Variants in SCN10A observed in about 807,000 individuals in gnomAD.
The protein encoded by SCN10A is sodium voltage-gated channel alpha subunit 10.
SCN10A carries 162 observed loss-of-function variants against 170.7 expected under a neutral mutation model. The ratio of observed to expected loss-of-function variants is 0.95; its 90% CI spans 0.84 to 1.08. The LOEUF (loss-of-function observed/expected upper bound fraction) is 1.08, where lower values mean the gene tolerates loss of function less well. SCN10A is among the 50% of genes least tolerant of loss of function. The pLI is 0.00. For synonymous variants in SCN10A, 985 were observed against 904.6 expected (o/e 1.09, Z -1.59); for missense variants, 2,527 against 2,436.9 (o/e 1.04, Z -0.78).
At chr3:38,703,393 C>T (rs569449017) in intron 26 of SCN10A, among the ~76,000 whole-genome samples, 6 of 152,330 alleles carry the variant, frequency 3.9e-5, no homozygotes, top group Admixed American at 1.3e-4. Context: ...TTACATCTCC[C>T]TCCAGCTACC....
Position 38,697,263 on chromosome 3 carries a change from G to A in SCN10A, c.*86C>T, listed in dbSNP as rs972983803. The stretch of plus-strand genomic sequence containing the variant: ...AGTGGCATGCATTGGTGAGGCTGTA[G>A]CTGGGTGTGATCTGCAATGGGAAAG... On this transcript the variant is annotated 3_prime_UTR_variant, in exon 28 of 28. Transcript: ENST00000449082. The A allele has an allele frequency of 2.3e-5, 35 of 1,550,606 alleles. No individual in the cohort carries two copies. Among genetic ancestry groups the A allele is most frequent in the Non-Finnish European group, 3.0e-5 (35 of 1,149,018 alleles).
In SCN10A at chr3:38,760,719, A is replaced by G; in HGVS notation, c.912T>C (p.Thr304=). The G allele has an allele frequency of 1.2e-6, 2 of 1,614,084 alleles. No homozygotes were observed. The highest frequency in any genetic ancestry group is 1.7e-6 in the Non-Finnish European group (2 of 1,179,902). Residue 304 remains threonine (T), a synonymous_variant, in exon 8 of 28, where the codon ACT becomes ACC. Transcript: ENST00000449082. ...CATTGCCACACAGTAAGGGGTCAGA[A>G]GTGCCTCGCTTATTTATGTAGATAT... ...KPDIYINKRG[T]SDPLLCGNGS...
At chr3:38,771,231 T>G in intron 5 of SCN10A, 48 bp downstream of exon 5, 1 of 1,601,314 alleles carries the variant, frequency 6.2e-7, no homozygotes, top group Non-Finnish European at 8.5e-7. Context: ...CCCACCATTT[T>G]GTCCCCTCTC....
intron 1 of SCN10A, among the ~76,000 whole-genome samples, chr3:38,811,872 C>G (rs1446904127): frequency 2.0e-5 from 3 of 152,186 alleles, no homozygotes; most frequent in Non-Finnish European, 2.9e-5. Flanking sequence ...TATACTGGAG[C>G]AGGGGAAACA....
intron 4 of SCN10A, 95 bp from the exon 5 acceptor site, chr3:38,771,502 G>T: frequency 7.7e-7 from 1 of 1,293,116 alleles, no homozygotes; most frequent in Non-Finnish European, 1.1e-6. Context: ...TGCTCTGACT[G>T]CTCCAAGAAA....
chr3:38,713,819 G>C (rs899472096), intron 22 of SCN10A, 139 bp downstream of exon 22: 9 of 937,266 alleles, frequency 9.6e-6, no homozygotes, highest in South Asian at 3.3e-5. Flanking sequence ...GCAGAGACAG[G>C]GTTTCGGCAT....
intron 1 of SCN10A, among the ~76,000 whole-genome samples, chr3:38,796,494 T>C (rs2064342384): frequency 1.3e-5 from 2 of 152,182 alleles, no homozygotes; most frequent in African/African-American, 4.8e-5. Flanking sequence ...GATATCTTTA[T>C]TTAAAATCAT....
chr3:38,756,921 C>T (rs908963684), intron 9 of SCN10A, 50 bp from the exon 10 acceptor site: 7 of 1,608,004 alleles, frequency 4.4e-6, no homozygotes, highest in Middle Eastern at 1.7e-4. Flanking sequence ...GCACATGGAC[C>T]CCTGAATTTA....
chr3:38,702,467 C>T (rs901895571), intron 26 of SCN10A, among the ~76,000 whole-genome samples: 12 of 152,224 alleles, frequency 7.9e-5, no homozygotes, highest in South Asian at 2.1e-4. Flanking sequence ...CCCTTAGTCA[C>T]GTGACAACAC....
chr3:38,781,653 A>G (rs1007261451), intron 4 of SCN10A, among the ~76,000 whole-genome samples: 16 of 152,152 alleles, frequency 1.1e-4, no homozygotes, highest in African/African-American at 3.6e-4. Flanking sequence ...ATCCCAAAGC[A>G]TGGATTTTTA....
chr3:38,707,955 T>C lies in SCN10A; in HGVS notation c.4282-572A>G, dbSNP rs2063228574. On this transcript the variant is annotated intron_variant, in intron 25 of 27. Coordinates refer to ENST00000449082, the MANE Select transcript of SCN10A (RefSeq NM_006514.4). ...CCTCTGCTGTTACAGTGCCAGAAAC[T>C]GCACCAACGAAGATGTTTTCCTCCC... 1.3e-5 allele frequency among the ~76,000 whole-genome samples: 2 copies of C among 152,304 alleles called. 1 individual carries two copies. The highest frequency in any genetic ancestry group is 4.8e-5 in the African/African-American group (2 of 41,572).
At chr3:38,802,431 A>G (rs1419647751) in intron 1 of SCN10A, among the ~76,000 whole-genome samples, 1 of 152,146 alleles carries the variant, frequency 6.6e-6, no homozygotes, top group Non-Finnish European at 1.5e-5. Context: ...GTGAAATTAT[A>G]ATATTTAACT....
chr3:38,785,696 A>G (rs149543388), intron 4 of SCN10A, among the ~76,000 whole-genome samples: 28 of 152,324 alleles, frequency 1.8e-4, no homozygotes, highest in African/African-American at 6.0e-4. Flanking sequence ...TGAATAGGTA[A>G]CCTACAGAAT....
At chr3:38,803,856 G>T (rs1050678227) in intron 1 of SCN10A, among the ~76,000 whole-genome samples, 2 of 152,010 alleles carry the variant, frequency 1.3e-5, no homozygotes, top group African/African-American at 4.8e-5. Context: ...CTCACATCCA[G>T]TCTCTCAGAA....
intron 4 of SCN10A, among the ~76,000 whole-genome samples, chr3:38,787,779 G>A (rs13085808): frequency 0.12 from 17,602 of 151,882 alleles, 1,181 homozygotes; most frequent in Middle Eastern, 0.2. Flanking sequence ...CCTTCAACCC[G>A]TCATTTACAT....
intron 1 of SCN10A, among the ~76,000 whole-genome samples, chr3:38,813,243 T>C (rs548195518): frequency 4.8e-4 from 73 of 152,284 alleles, no homozygotes; most frequent in Middle Eastern, 3.4e-3. Flanking sequence ...TTCTAGGCTT[T>C]GAGTACCTCG....
chr3:38,752,385 TG>T lies in SCN10A; in HGVS notation c.1588del (p.His530ThrfsTer72). 6.2e-7 allele frequency: 1 copy of T among 1,614,024 alleles called. No homozygotes were observed. The highest frequency in any genetic ancestry group is 8.5e-7 in the Non-Finnish European group (1 of 1,179,988). On this transcript the variant is annotated frameshift_variant, in exon 12 of 28. Coordinates refer to ENST00000449082, the MANE Select transcript of SCN10A (RefSeq NM_006514.4). LOFTEE classifies it high-confidence loss of function. ...VTDDGVFPGD[H>X]ESHRGSLLLG... ...CAGCAGAGAGCCCCGATGGCTTTCGTGGTCTCCAGGAAAGACTCCATCATCT... is the reference window on the plus strand; with the variant it reads ...CAGCAGAGAGCCCCGATGGCTTTCGTGTCTCCAGGAAAGACTCCATCATCT...
intron 1 of SCN10A, among the ~76,000 whole-genome samples, chr3:38,805,057 G>A (rs1238546875): frequency 6.6e-6 from 1 of 152,106 alleles, no homozygotes; most frequent in East Asian, 1.9e-4. Flanking sequence ...TGCTGGAAGA[G>A]GGTGTTTGGG....
At chr3:38,767,541 A>T (rs920348751) in intron 5 of SCN10A, among the ~76,000 whole-genome samples, 1 of 151,982 alleles carries the variant, frequency 6.6e-6, no homozygotes, top group African/African-American at 2.4e-5. Flanking sequence ...ATGTATTTGT[A>T]TAGTTTTGAG....
Sources: allele counts gnomAD v4.1 joint callset (sites outside exome capture counted in the v4.1 genomes callset), GRCh38; gene constraint gnomAD v4.1.1; transcripts MANE v1.5; gene names NCBI Gene and HGNC (gene_info 2026-07-23, HGNC 2026-07-21).